Variants in MARCO observed in about 807,000 individuals in gnomAD.
MARCO encodes the protein macrophage receptor MARCO.
In MARCO, 72 loss-of-function variants were observed where a neutral mutation model predicts 70.0. The ratio of observed to expected loss-of-function variants is 1.03; its 90% CI spans 0.85 to 1.25. The LOEUF (loss-of-function observed/expected upper bound fraction) is 1.25, where lower values mean the gene tolerates loss of function less well. Among genes scored for constraint, MARCO ranks in the 50% most tolerant of loss-of-function variants. MARCO has a pLI of 0.00. For missense variants in MARCO, 696 were observed against 659.3 expected (o/e 1.06, Z -0.61); for synonymous variants, 273 against 243.1 (o/e 1.12, Z -1.14).
chr2:118,978,317 G>A (rs1023467004), intron 8 of MARCO, among the ~76,000 whole-genome samples: 4 of 152,198 alleles, frequency 2.6e-5, no homozygotes, highest in Admixed American at 1.3e-4. Flanking sequence ...CCCATTGACT[G>A]AGGGTGCTAT....
At chr2:118,979,792 T>C (rs907467309) in intron 8 of MARCO, among the ~76,000 whole-genome samples, 44 of 152,214 alleles carry the variant, frequency 2.9e-4, no homozygotes, top group African/African-American at 9.9e-4. Flanking sequence ...CTCAATCCAC[T>C]GCTGGTGGCT....
rs1056530015 is a variant in MARCO, at chr2:118,981,450, A to T, written c.808A>T (p.Met270Leu). The change falls in exon 9 of 17, where the codon ATG becomes TTG. Residue 270 changes from methionine (M) to leucine (L), a missense_variant. Transcript: ENST00000327097. ...DRGMKGDAGV[M>L]GPPGAQGSKG... ...GGGCATGAAAGGAGATGCAGGGGTC[A>T]TGGGGCCTCCTGGAGCCCAGGGGAG... 6.3e-7 allele frequency: 1 copy of T among 1,597,874 alleles called. No homozygotes were observed. The highest frequency in any genetic ancestry group is 1.4e-5 in the African/African-American group (1 of 73,464).
At chr2:118,986,256 C>T (rs1361289670) in intron 12 of MARCO, among the ~76,000 whole-genome samples, 1 of 152,120 alleles carries the variant, frequency 6.6e-6, no homozygotes, top group African/African-American at 2.4e-5. Flanking sequence ...TTAGCTCAAT[C>T]CTAAATTTGC....
chr2:118,984,908 A>G (rs899974057), intron 12 of MARCO, among the ~76,000 whole-genome samples: 2 of 152,220 alleles, frequency 1.3e-5, no homozygotes, highest in African/African-American at 2.4e-5. Context: ...TTGTAAATAA[A>G]ATCGTTAATC....
chr2:118,991,442 A>G (rs542550335), intron 13 of MARCO, among the ~76,000 whole-genome samples: 1 of 152,164 alleles, frequency 6.6e-6, no homozygotes, highest in East Asian at 1.9e-4. Context: ...TACTATTTCA[A>G]TTCACTAAAG....
intron 1 of MARCO, chr2:118,952,675 A>C (rs1250480547): frequency 6.6e-6 from 1 of 152,222 alleles, no homozygotes; most frequent in Non-Finnish European, 1.5e-5. Flanking sequence ...GTTGCTGGCC[A>C]GTTTCTTTCT....
At chr2:118,971,015 C>A (rs557953329) in intron 3 of MARCO, among the ~76,000 whole-genome samples, 1 of 152,122 alleles carries the variant, frequency 6.6e-6, no homozygotes, top group African/African-American at 2.4e-5. Context: ...AGCACGGGAC[C>A]CAGGAGGCCA....
At chr2:118,994,362 T>C (rs759463306) in intron 16 of MARCO, 25 bp from the exon 17 acceptor site, 1 of 1,613,954 alleles carries the variant, frequency 6.2e-7, no homozygotes, top group Admixed American at 1.7e-5. Context: ...CTTCTTCCTC[T>C]GTCTCTTGCT....
chr2:118,986,493 C>G (rs1415395429), intron 12 of MARCO, among the ~76,000 whole-genome samples: 1 of 142,684 alleles, frequency 7.0e-6, no homozygotes, highest in Non-Finnish European at 1.5e-5. Context: ...GCACTCCAGC[C>G]TGAGCAACAG....
intron 1 of MARCO, among the ~76,000 whole-genome samples, chr2:118,953,308 G>A (rs367754082): frequency 1.3e-5 from 2 of 152,206 alleles, no homozygotes; most frequent in African/African-American, 4.8e-5. Context: ...CTTGAAGAAA[G>A]TTAGTCCTCA....
intron 1 of MARCO, among the ~76,000 whole-genome samples, chr2:118,961,404 C>T (rs750158356): frequency 2.1e-4 from 32 of 151,996 alleles, no homozygotes; most frequent in Non-Finnish European, 3.7e-4. Flanking sequence ...TTTAATAATC[C>T]CCATTCTGAC....
At chr2:118,977,976 C>T in intron 8 of MARCO, 41 bp downstream of exon 8, 1 of 1,397,196 alleles carries the variant, frequency 7.2e-7, no homozygotes, top group Middle Eastern at 1.9e-4. Flanking sequence ...GCCAGGAGGC[C>T]TGAGGGAACT....
rs141690000 is a variant in MARCO, at chr2:118,982,657, C to T, written c.1063+247C>T. Among the ~76,000 whole-genome samples the T allele has an allele frequency of 5.8e-4, 88 of 152,240 alleles. 1 individual carries two copies. The East Asian group carries it at 0.012, about 21-fold the overall frequency. On this transcript the variant is annotated intron_variant, in intron 12 of 16. Coordinates refer to ENST00000327097, the MANE Select transcript of MARCO (RefSeq NM_006770.4). ...TGCCATGACCAAACCTCCAGCATCACGGAGGAGAGCAAAGCACCTTGCCCA... is the reference window on the plus strand; with the variant it reads ...TGCCATGACCAAACCTCCAGCATCATGGAGGAGAGCAAAGCACCTTGCCCA...
chr2:118,942,502 G>A, intron 1 of MARCO, 105 bp downstream of exon 1: 3 of 879,640 alleles, frequency 3.4e-6, no homozygotes, highest in Non-Finnish European at 5.5e-6. Flanking sequence ...TTGGCTTATT[G>A]CTGCATTTTG....
intron 12 of MARCO, among the ~76,000 whole-genome samples, chr2:118,983,813 C>A (rs956813191): frequency 1.3e-5 from 2 of 152,076 alleles, no homozygotes; most frequent in Non-Finnish European, 2.9e-5. Flanking sequence ...TGCCCCCACC[C>A]CCACTGCCAG....
At chr2:118,990,313 C>T (rs1404744995) in intron 12 of MARCO, among the ~76,000 whole-genome samples, 1 of 152,050 alleles carries the variant, frequency 6.6e-6, no homozygotes, top group African/African-American at 2.4e-5. Flanking sequence ...GTCAGGTTAC[C>T]GGGGGGCAGG....
chr2:118,984,478 G>T (rs111592508), intron 12 of MARCO, among the ~76,000 whole-genome samples: 87 of 152,280 alleles, frequency 5.7e-4, no homozygotes, highest in African/African-American at 1.9e-3. Flanking sequence ...CTTAATTCTG[G>T]CTGACCAAGT....
At chr2:118,943,005 A>G (rs1679534007) in intron 1 of MARCO, among the ~76,000 whole-genome samples, 1 of 152,198 alleles carries the variant, frequency 6.6e-6, no homozygotes, top group Non-Finnish European at 1.5e-5. Flanking sequence ...CATTTTTAAA[A>G]TCTTCTAGAA....
intron 12 of MARCO, among the ~76,000 whole-genome samples, chr2:118,987,907 C>T (rs1680546478): frequency 6.6e-6 from 1 of 152,192 alleles, no homozygotes; most frequent in African/African-American, 2.4e-5. Flanking sequence ...AGTGCGTAGA[C>T]CAAGTGAAAC....
Sources: gnomAD v4.1 joint callset for allele counts (sites outside exome capture counted in the v4.1 genomes callset) on GRCh38, gnomAD v4.1.1 for gene constraint, MANE v1.5 for transcripts, NCBI Gene and HGNC (gene_info 2026-07-23, HGNC 2026-07-21) for gene names.